SEC14L2: variants seen among roughly 807,000 people sequenced by gnomAD.
The protein encoded by SEC14L2 is SEC14-like protein 2.
SEC14L2 carries 50 observed loss-of-function variants against 56.9 expected under a neutral mutation model. The ratio of observed to expected loss-of-function variants is 0.88; its 90% CI spans 0.70 to 1.11. The LOEUF is 1.11. Among genes scored for constraint, SEC14L2 ranks in the 50% most tolerant of loss-of-function variants. The pLI is 0.00. For synonymous variants in SEC14L2, 179 were observed against 188.5 expected (o/e 0.95, Z 0.41); for missense variants, 414 against 500.7 (o/e 0.83, Z 1.65).
chr22:30,399,835 C>T lies in SEC14L2; in HGVS notation c.130+117C>T, dbSNP rs768168252. Reference sequence around the variant, plus strand: ...GGCATCTAGAGTGTCCAACCTTTAGCGCCAAAGGGCCCTTGGCAATGACAT... The same window carrying T: ...GGCATCTAGAGTGTCCAACCTTTAGTGCCAAAGGGCCCTTGGCAATGACAT... On this transcript the variant is annotated intron_variant, in intron 2 of 11. Coordinates refer to ENST00000615189, the MANE Select transcript of SEC14L2 (RefSeq NM_012429.5). 101 of 754,076 alleles carry T rather than the reference C, an allele frequency of 1.3e-4. 1 individual carries two copies. Among genetic ancestry groups the T allele is most frequent in the Non-Finnish European group, 1.7e-4 (83 of 479,716 alleles). 46.7% of individuals were successfully genotyped at this position (754,076 alleles called of 1,614,324 possible). A position where few individuals can be genotyped will look rare whatever the true frequency, so the allele number is the denominator to read the frequency against.
intron 2 of SEC14L2, among the ~76,000 whole-genome samples, chr22:30,403,049 C>T (rs1290119169): frequency 1.3e-5 from 2 of 152,192 alleles, no homozygotes; most frequent in African/African-American, 4.8e-5. Context: ...TGCATTCCAA[C>T]CTGGGCGACA....
At chr22:30,409,129 G>C (rs760873263) in intron 5 of SEC14L2, 58 bp from the exon 6 acceptor site, 1 of 1,466,372 alleles carries the variant, frequency 6.8e-7, no homozygotes. Context: ...GCCTGGACTG[G>C]AACGGGCTTC....
Position 30,424,901 on chromosome 22 carries a change from A to G in SEC14L2, c.*2494A>G, listed in dbSNP as rs941016363. 2.2e-6 allele frequency: 1 copy of G among 445,952 alleles called. No individual in the cohort carries two copies. The highest frequency in any genetic ancestry group is 4.5e-6 in the Non-Finnish European group (1 of 220,230). 27.6% of individuals were successfully genotyped at this position (445,952 alleles called of 1,614,324 possible). A position where few individuals can be genotyped will look rare whatever the true frequency, so the allele number is the denominator to read the frequency against. On this transcript the variant is annotated 3_prime_UTR_variant, in exon 12 of 12. Coordinates refer to ENST00000615189, the MANE Select transcript of SEC14L2 (RefSeq NM_012429.5). The stretch of plus-strand genomic sequence containing the variant: ...CCTTGCCCGATTCATTCATTCGTTA[A>G]TTAATTCATCCAACATCCTGTCCCC...
chr22:30,401,871 T>C (rs1240301149), intron 2 of SEC14L2, among the ~76,000 whole-genome samples: 3 of 151,992 alleles, frequency 2.0e-5, no homozygotes, highest in Non-Finnish European at 4.4e-5. Context: ...GGCCTACAGG[T>C]ACACACCACT....
chr22:30,402,119 AC>A (rs1374623380), intron 2 of SEC14L2, among the ~76,000 whole-genome samples: 1 of 151,872 alleles, frequency 6.6e-6, no homozygotes, highest in Non-Finnish European at 1.5e-5. Context: ...ACCCCAGTCC[AC>A]CGCCCAGAGA....
chr22:30,407,709 C>T, intron 5 of SEC14L2, 106 bp downstream of exon 5: 1 of 938,664 alleles, frequency 1.1e-6, no homozygotes, highest in Admixed American at 3.4e-5. Context: ...GGCCAAGGCC[C>T]AGCCTTTTTT....
rs758853016 is a variant in SEC14L2 at position 30,423,340 on chromosome 22, C to G, written c.*933C>G. ...GCCAGTCTGAGTGTCCCGCGGTGCC[C>G]GCCAACCCGCTTCCTGACTGACCTG... On this transcript the variant is annotated 3_prime_UTR_variant, in exon 12 of 12. Transcript: ENST00000615189. The G allele has an allele frequency of 1.3e-5, 2 of 152,838 alleles. No individual in the cohort carries two copies. The highest frequency in any genetic ancestry group is 2.9e-5 in the Non-Finnish European group (2 of 68,184). 9.5% of individuals were successfully genotyped at this position (152,838 alleles called of 1,614,324 possible). A position where few individuals can be genotyped will look rare whatever the true frequency, so the allele number is the denominator to read the frequency against.
At chr22:30,420,616 A>G (rs1368035779) in intron 11 of SEC14L2, 1 of 152,250 alleles carries the variant, frequency 6.6e-6, no homozygotes, top group Non-Finnish European at 1.5e-5. Context: ...AAAGACCTCT[A>G]GTACAGGGGA....
rs746068386 is a variant in SEC14L2 at position 30,424,738 on chromosome 22, G to T, written c.*2331G>T. The T allele has an allele frequency of 3.5e-5, 16 of 456,500 alleles. No homozygotes were observed. The East Asian group carries it at 7.0e-4, about 20-fold the overall frequency. The allele number at this position is 456,500 out of a possible 1,614,324, so 28.3% of individuals were successfully genotyped here. On this transcript the variant is annotated 3_prime_UTR_variant, in exon 12 of 12. Coordinates refer to ENST00000615189, the MANE Select transcript of SEC14L2 (RefSeq NM_012429.5). ...ACAGCTAGGATTTGAACCCAGGATTGTCTCCAACGCCGCTCAATTATACCC... is the reference window on the plus strand; with the variant it reads ...ACAGCTAGGATTTGAACCCAGGATTTTCTCCAACGCCGCTCAATTATACCC...
intron 11 of SEC14L2, among the ~76,000 whole-genome samples, chr22:30,417,659 C>T (rs1053773644): frequency 1.3e-5 from 2 of 152,202 alleles, no homozygotes; most frequent in Admixed American, 1.3e-4. Flanking sequence ...CAATGCACTG[C>T]AGTCACCACT....
At chr22:30,419,465 C>G (rs2299828) in intron 11 of SEC14L2, among the ~76,000 whole-genome samples, 4,172 of 152,256 alleles carry the variant, frequency 0.027, 106 homozygotes, top group East Asian at 0.089. Flanking sequence ...ATTGCTTGAA[C>G]CCAGGAGGCG....
chr22:30,418,401 A>G (rs750167937), intron 11 of SEC14L2, among the ~76,000 whole-genome samples: 7 of 152,160 alleles, frequency 4.6e-5, no homozygotes, highest in Admixed American at 6.5e-5. Flanking sequence ...CCAGGGAAGT[A>G]ATTGACCCAA....
chr22:30,411,307 G>A (rs1934239404), intron 8 of SEC14L2, among the ~76,000 whole-genome samples: 2 of 152,010 alleles, frequency 1.3e-5, no homozygotes, highest in South Asian at 4.2e-4. Context: ...AACTAGAAAA[G>A]ACAGTAGACT....
intron 7 of SEC14L2, among the ~76,000 whole-genome samples, chr22:30,409,892 T>TC (rs1195950777): frequency 6.7e-6 from 1 of 149,246 alleles, no homozygotes; most frequent in Non-Finnish European, 1.5e-5. Flanking sequence ...GGAGCAAGTC[T>TC]CCATCTCAAA....
intron 11 of SEC14L2, among the ~76,000 whole-genome samples, chr22:30,419,082 A>C (rs934416548): frequency 1.3e-5 from 2 of 152,230 alleles, no homozygotes; most frequent in Non-Finnish European, 2.9e-5. Context: ...GTCCACTAGA[A>C]GTGCACAATG....
intron 5 of SEC14L2, 131 bp from the exon 6 acceptor site, chr22:30,409,056 A>C: frequency 1.2e-6 from 1 of 833,702 alleles, no homozygotes; most frequent in South Asian, 1.4e-5. Flanking sequence ...CTCAGTTTGG[A>C]AAACTCTAGG....
chr22:30,410,986 T>C (rs1196644389), intron 8 of SEC14L2, among the ~76,000 whole-genome samples: 1 of 152,208 alleles, frequency 6.6e-6, no homozygotes, highest in African/African-American at 2.4e-5. Context: ...AAAGAGAGGC[T>C]GGGTGCAGTG....
intron 2 of SEC14L2, among the ~76,000 whole-genome samples, chr22:30,400,894 C>CAAAAA (rs1185861063): frequency 3.7e-4 from 18 of 48,612 alleles, no homozygotes; most frequent in African/African-American, 1.5e-3. Flanking sequence ...GACTCCGTCT[C>CAAAAA]AAAAAAAAAA....
In SEC14L2 at chr22:30,416,345, G is replaced by A; in HGVS notation, c.1023G>A (p.Arg341=). ...TGACAGAGGTGCTGCCCAACCAGAG[G>A]TACAACTCCCACCTGGTCCCTGAAG... The part of the protein sequence containing the change: ...GEMTEVLPNQ[R]YNSHLVPEDG... The change falls in exon 11 of 12, where the codon AGG becomes AGA. Residue 341 remains arginine (R), a synonymous_variant. Transcript: ENST00000615189. The A allele has an allele frequency of 6.2e-7, 1 of 1,614,200 alleles. No individual in the cohort carries two copies. The highest frequency in any genetic ancestry group is 8.5e-7 in the Non-Finnish European group (1 of 1,180,032).
Sources: allele counts gnomAD v4.1 joint callset (sites outside exome capture counted in the v4.1 genomes callset), GRCh38; gene constraint gnomAD v4.1.1; transcripts MANE v1.5; gene names NCBI Gene and HGNC (gene_info 2026-07-23, HGNC 2026-07-21).